Variants in PWWP2A observed in about 807,000 individuals in gnomAD.
PWWP2A encodes the protein PWWP domain-containing protein 2A.
PWWP2A carries 18 observed loss-of-function variants against 48.5 expected under a neutral mutation model. The ratio of observed to expected loss-of-function variants is 0.37; its 90% CI spans 0.26 to 0.55. The LOEUF (loss-of-function observed/expected upper bound fraction) is 0.55, where lower values mean the gene tolerates loss of function less well. Among genes scored for constraint, PWWP2A ranks in the 20% least tolerant of loss-of-function variants. The probability of loss-of-function intolerance (pLI) is 0.81; values close to 1 mark genes in which losing one functional copy is unlikely to be tolerated. For missense variants in PWWP2A, 867 were observed against 976.4 expected (o/e 0.89, Z 1.49); for synonymous variants, 396 against 387.7 (o/e 1.02, Z -0.25).
At chr5:160,055,549 G>A in the PWWP2A span, among the ~76,000 whole-genome samples, 2 of 152,244 alleles carry the variant, frequency 1.3e-5, no homozygotes, top group Admixed American at 1.3e-4. Context: ...CAGCACCTGA[G>A]AACCTGCCAA....
rs56251777 is a variant in PWWP2A, at chr5:160,093,654, T to C, written c.996A>G (p.Glu332=). 0.076 allele frequency: 123,186 copies of C among 1,613,922 alleles called. 5,350 individuals carry two copies. Among genetic ancestry groups the C allele is most frequent in the Middle Eastern group, 0.089 (542 of 6,062 alleles). The change falls in exon 2 of 2, where the codon GAA becomes GAG. Residue 332 remains glutamate, a synonymous_variant. Transcript: ENST00000307063. The surrounding 1 kb of genome is among the most constrained non-coding windows in gnomAD (Gnocchi z 5.8). The part of the protein sequence containing the change: ...CDKCKNSVVA[E]KKEIRKGSSA... ...TACTACCTTTTCTAATTTCCTTTTTTTCAGCAACAACACTGTTTTTACATT... is the reference window on the plus strand; with the variant it reads ...TACTACCTTTTCTAATTTCCTTTTTCTCAGCAACAACACTGTTTTTACATT...
At chr5:160,046,029 C>G in the PWWP2A span, among the ~76,000 whole-genome samples, 1 of 152,210 alleles carries the variant, frequency 6.6e-6, no homozygotes, top group Non-Finnish European at 1.5e-5. Flanking sequence ...GCATGAGCCA[C>G]TGCCCCCAGC....
chr5:160,089,132 C>T (rs952506440), downstream of PWWP2A, among the ~76,000 whole-genome samples: 10 of 152,166 alleles, frequency 6.6e-5, no homozygotes, highest in Admixed American at 5.9e-4. Context: ...TCTAGGGACA[C>T]ACCACCACGT....
chr5:160,112,261 T>C (rs1757669869), intron 1 of PWWP2A, among the ~76,000 whole-genome samples: 1 of 152,008 alleles, frequency 6.6e-6, no homozygotes, highest in Admixed American at 6.6e-5. Context: ...CTCTCTGTCA[T>C]CCGGGCTAGA....
chr5:160,064,969 T>C (rs1753556551), intron 4 of PWWP2A: 1 of 1,613,940 alleles, frequency 6.2e-7, no homozygotes, highest in South Asian at 1.1e-5. Context: ...TTCTCCGACC[T>C]TTTGGGCTCT....
downstream of PWWP2A, among the ~76,000 whole-genome samples, chr5:160,075,045 A>G (rs1403880348): frequency 6.6e-6 from 1 of 152,214 alleles, no homozygotes; most frequent in Admixed American, 6.5e-5. Flanking sequence ...TATTGGTTCC[A>G]TCATTCATTC....
intron 1 of PWWP2A, among the ~76,000 whole-genome samples, chr5:160,098,147 TA>T (rs1755879743): frequency 6.6e-6 from 1 of 152,228 alleles, no homozygotes; most frequent in Non-Finnish European, 1.5e-5. Context: ...TGAAGTTCAG[TA>T]AGAATGTTAA....
the PWWP2A span, chr5:160,051,086 T>G: frequency 3.2e-5 from 47 of 1,480,718 alleles, no homozygotes; most frequent in African/African-American, 1.4e-4. Context: ...GTTTTGGTTT[T>G]TTTTTTTTTT....
intron 1 of PWWP2A, chr5:160,105,672 A>G: frequency 1.0e-6 from 1 of 982,250 alleles, no homozygotes; most frequent in Non-Finnish European, 1.2e-6. Flanking sequence ...CATCAGCCCC[A>G]GGTGCTAATG....
intron 2 of PWWP2A, among the ~76,000 whole-genome samples, chr5:160,082,428 A>T (rs1218283544): frequency 6.9e-6 from 1 of 144,636 alleles, no homozygotes; most frequent in African/African-American, 2.6e-5. Context: ...TGGGCGACAG[A>T]GCGAGACTCC....
At chr5:160,116,818 C>G in intron 1 of PWWP2A, 1 of 984,084 alleles carries the variant, frequency 1.0e-6, no homozygotes, top group Non-Finnish European at 1.2e-6. Context: ...AGAGGCCGGG[C>G]GAGGTGGCTC....
intron 1 of PWWP2A, among the ~76,000 whole-genome samples, chr5:160,109,765 AAAAAAAAAAATAT>A (rs1263630361): frequency 3.2e-5 from 2 of 62,572 alleles, no homozygotes; most frequent in East Asian, 7.8e-4. Context: ...GGGAAAAAAA[AAAAAAAAAAATAT>A]ATATATATAT....
the PWWP2A span, among the ~76,000 whole-genome samples, chr5:160,046,225 C>T: frequency 1.3e-5 from 2 of 152,178 alleles, no homozygotes; most frequent in Admixed American, 1.3e-4. Flanking sequence ...CCATTGAAAC[C>T]CATCTTGTAA....
chr5:160,049,777 C>A, the PWWP2A span: 1 of 1,003,216 alleles, frequency 1.0e-6, no homozygotes. Context: ...TTTTGAGGAG[C>A]TTATCAAGAT....
intron 1 of PWWP2A, among the ~76,000 whole-genome samples, chr5:160,101,063 AT>A (rs1756229753): frequency 6.6e-6 from 1 of 152,232 alleles, no homozygotes; most frequent in Non-Finnish European, 1.5e-5. Context: ...AAAGGATGAA[AT>A]CATAGGCTGG....
intron 2 of PWWP2A, among the ~76,000 whole-genome samples, chr5:160,069,977 T>G (rs1398323347): frequency 6.6e-6 from 1 of 152,198 alleles, no homozygotes; most frequent in Non-Finnish European, 1.5e-5. Context: ...CGTAACTACT[T>G]TTCCAGTTTT....
At chr5:160,091,330 C>A (rs1755039306), downstream of PWWP2A, 5 of 974,184 alleles carry the variant, frequency 5.1e-6, no homozygotes, top group Non-Finnish European at 6.1e-6. Context: ...GAGAAACACA[C>A]ACAAATAATT....
intron 1 of PWWP2A, among the ~76,000 whole-genome samples, chr5:160,115,907 AGT>A (rs1245724194): frequency 6.6e-6 from 1 of 152,096 alleles, no homozygotes; most frequent in Non-Finnish European, 1.5e-5. Flanking sequence ...TGCACAGGAA[AGT>A]GTGCAATCAA....
At chr5:160,116,801 C>T (rs900030801) in intron 1 of PWWP2A, 4 of 985,178 alleles carry the variant, frequency 4.1e-6, no homozygotes, top group South Asian at 4.7e-5. Context: ...CTATTATATA[C>T]ATCAGTAGAG....
Sources: allele counts gnomAD v4.1 joint callset (sites outside exome capture counted in the v4.1 genomes callset), GRCh38; gene constraint gnomAD v4.1.1; non-coding constraint Gnocchi (gnomAD v3.1); transcripts MANE v1.5; gene names NCBI Gene and HGNC (gene_info 2026-07-23, HGNC 2026-07-21).